ZNF559: variants seen among roughly 807,000 people sequenced by gnomAD.
The protein encoded by ZNF559 is zinc finger protein 559, also known as putative protein product of Nbla00121.
Under a neutral mutation model 14.2 loss-of-function variants are expected in ZNF559, and 17 were observed. The observed-to-expected ratio is 1.20, with a 90% confidence interval of 0.82 to 1.80. The LOEUF (loss-of-function observed/expected upper bound fraction) is 1.80. Among genes scored for constraint, ZNF559 ranks in the 40% most tolerant of loss-of-function variants. ZNF559 has a pLI of 0.00. For missense variants in ZNF559, 740 were observed against 629.7 expected, an observed-to-expected ratio of 1.18 and a Z score of -1.88; for synonymous variants, 244 against 212.4, an observed-to-expected ratio of 1.15 and a Z score of -1.29.
chr19:9,342,821 G>T lies in ZNF559; in HGVS notation c.1370G>T (p.Arg457Ile), dbSNP rs373177090. The stretch of plus-strand genomic sequence containing the variant: ...TCCTCGCACCTTAGTCAACATAAAA[G>T]AATACATACAGGGGAGAGGCCATAT... ...RYSSHLSQHKRIHTGERPYKC... is the reference protein window; with the variant it reads ...RYSSHLSQHKIIHTGERPYKC... The change falls in exon 7 of 7, where the codon AGA becomes ATA. Residue 457 changes from arginine (R) to isoleucine (I), a missense_variant. By Grantham distance (97) the Arg-to-Ile change is moderately conservative. Coordinates refer to ENST00000603380, the MANE Select transcript of ZNF559 (RefSeq NM_032497.3). The T allele has an allele frequency of 1.2e-6, 2 of 1,614,034 alleles. No individual in the cohort carries two copies. The highest frequency in any genetic ancestry group is 1.7e-6 in the Non-Finnish European group (2 of 1,180,008).
At chr19:9,339,934 ATTTTTTTTTTTTT>A (rs545536064) in intron 5 of ZNF559, among the ~76,000 whole-genome samples, 2 of 86,420 alleles carry the variant, frequency 2.3e-5, no homozygotes, top group East Asian at 6.8e-4. Context: ...ACGCCTGGCT[ATTTTTTTTTTTTT>A]TTTTTTTTTT....
At chr19:9,336,616 T>G (rs1198807007) in intron 2 of ZNF559, among the ~76,000 whole-genome samples, 1 of 151,840 alleles carries the variant, frequency 6.6e-6, no homozygotes, top group Non-Finnish European at 1.5e-5. Flanking sequence ...AAAAAAAAAC[T>G]TATGTGTTTA....
intron 5 of ZNF559, among the ~76,000 whole-genome samples, 175 bp downstream of exon 5, chr19:9,339,494 C>T (rs2067424960): frequency 6.6e-6 from 1 of 152,110 alleles, no homozygotes; most frequent in Admixed American, 6.6e-5. Flanking sequence ...AAGATCTGTT[C>T]ATTGTTCTAG....
chr19:9,335,723 C>T (rs561863383), intron 2 of ZNF559, among the ~76,000 whole-genome samples: 4 of 152,138 alleles, frequency 2.6e-5, no homozygotes, highest in South Asian at 4.2e-4. Context: ...TTTGTAGAGA[C>T]GGGGTTTTAC....
At chr19:9,327,713 AC>A (rs2066698936) in intron 2 of ZNF559, among the ~76,000 whole-genome samples, 1 of 151,122 alleles carries the variant, frequency 6.6e-6, no homozygotes, top group African/African-American at 2.4e-5. Context: ...TGCCCTCTAT[AC>A]TTTTTTTCTT....
chr19:9,332,355 G>GTGTGTATATATA (rs138636441), intron 2 of ZNF559, among the ~76,000 whole-genome samples: 4 of 150,060 alleles, frequency 2.7e-5, no homozygotes, highest in East Asian at 3.9e-4. Context: ...ATGTGTGTGT[G>GTGTGTATATATA]TATATATATA....
In ZNF559 at chr19:9,343,338, A is replaced by G. The variant is rs2067661774; in HGVS notation, c.*270A>G. 4.1e-6 allele frequency: 5 copies of G among 1,217,144 alleles called. No individual in the cohort carries two copies. Among genetic ancestry groups the G allele is most frequent in the African/African-American group, 1.5e-5 (1 of 65,544 alleles). The allele number at this position is 1,217,144 out of a possible 1,614,324, so 75.4% of individuals were successfully genotyped here. ...ACGTAGGAAACCTGTCGATGCTTACATCTTACTGAGTCTGTTTGAACTCAT... is the reference window on the plus strand; with the variant it reads ...ACGTAGGAAACCTGTCGATGCTTACGTCTTACTGAGTCTGTTTGAACTCAT... On this transcript the variant is annotated 3_prime_UTR_variant, in exon 7 of 7. Transcript: ENST00000603380.
chr19:9,339,862 G>A (rs1011653053), intron 5 of ZNF559, among the ~76,000 whole-genome samples: 9 of 149,246 alleles, frequency 6.0e-5, no homozygotes, highest in Non-Finnish European at 7.4e-5. Context: ...TCCGCCTCCC[G>A]GGTTCACACC....
intron 2 of ZNF559, among the ~76,000 whole-genome samples, chr19:9,334,531 A>G (rs1175803829): frequency 2.0e-5 from 3 of 152,210 alleles, no homozygotes; most frequent in African/African-American, 7.2e-5. Context: ...AAGTTTAAAA[A>G]CAGACAAAAT....
intron 2 of ZNF559, among the ~76,000 whole-genome samples, chr19:9,337,214 A>G (rs987868353): frequency 6.6e-6 from 1 of 152,176 alleles, no homozygotes; most frequent in African/African-American, 2.4e-5. Flanking sequence ...CAACAGTTCA[A>G]ACTCATGCAT....
chr19:9,340,134 T>C (rs1380368257), intron 5 of ZNF559, among the ~76,000 whole-genome samples: 2 of 151,978 alleles, frequency 1.3e-5, no homozygotes, highest in Non-Finnish European at 2.9e-5. Context: ...ACCAGGGTAC[T>C]AGCTATGCAA....
chr19:9,334,927 G>A (rs931096551), intron 2 of ZNF559, among the ~76,000 whole-genome samples: 4 of 152,052 alleles, frequency 2.6e-5, no homozygotes, highest in African/African-American at 7.2e-5. Context: ...GAGGTCAGGA[G>A]GTCGAAACCA....
chr19:9,328,122 TATCTC>T (rs1355707490), intron 2 of ZNF559, among the ~76,000 whole-genome samples: 4 of 152,058 alleles, frequency 2.6e-5, no homozygotes, highest in Non-Finnish European at 5.9e-5. Flanking sequence ...TTGTATCTCT[TATCTC>T]TTATAATAAA....
At chr19:9,324,664 C>A in intron 1 of ZNF559, 31 bp from the exon 2 acceptor site, 1 of 1,393,438 alleles carries the variant, frequency 7.2e-7, no homozygotes, top group Non-Finnish European at 9.6e-7. Context: ...AAAAAGTCTC[C>A]ACATCCAGCG....
chr19:9,342,224 A>C lies in ZNF559; in HGVS notation c.773A>C (p.Gln258Pro). ...TTCACTGAGTCGTCATATCTTACTCAACATTTAAGAACTCATAGTAGAGTG... is the reference window on the plus strand; with the variant it reads ...TTCACTGAGTCGTCATATCTTACTCCACATTTAAGAACTCATAGTAGAGTG... Reference protein sequence around the residue: ...KPFTESSYLTQHLRTHSRVLP... With the variant: ...KPFTESSYLTPHLRTHSRVLP... Residue 258 changes from glutamine (Q) to proline (P), a missense_variant, in exon 7 of 7, where the codon CAA (glutamine) becomes CCA (proline). Gln to Pro is a moderately conservative substitution (Grantham distance 76). Transcript: ENST00000603380. 1 of 1,587,692 alleles carries C rather than the reference A, an allele frequency of 6.3e-7. No homozygotes were observed. The highest frequency in any genetic ancestry group is 8.5e-7 in the Non-Finnish European group (1 of 1,171,346).
intron 2 of ZNF559, 61 bp downstream of exon 2, chr19:9,324,841 C>A (rs1218315758): frequency 1.4e-6 from 2 of 1,429,816 alleles, no homozygotes; most frequent in African/African-American, 1.4e-5. Flanking sequence ...TAAGTTGTGT[C>A]GAGGTGGAAA....
chr19:9,326,514 T>C (rs557377587), intron 2 of ZNF559, among the ~76,000 whole-genome samples: 80 of 152,364 alleles, frequency 5.3e-4, no homozygotes, highest in Non-Finnish European at 1.1e-3. Flanking sequence ...GATTTACCTA[T>C]GTCCTGTATT....
chr19:9,324,033 A>T, upstream of ZNF559: 1 of 906,620 alleles, frequency 1.1e-6, no homozygotes, highest in Non-Finnish European at 1.7e-6. Flanking sequence ...TACCGGTGAC[A>T]CTTGCGCTCT....
Position 9,342,677 on chromosome 19 carries a change from A to G in ZNF559, c.1226A>G (p.Tyr409Cys), listed in dbSNP as rs143050703. 5.4e-5 allele frequency: 87 copies of G among 1,614,214 alleles called. No homozygotes were observed. The African/African-American group carries it at 5.7e-4, about 11-fold the overall frequency. ...CAGACTCATCCTGGTGTAAAACCCT[A>G]TGACTGTCAACAGTGTGGGAAAGCC... ...HMQTHPGVKP[Y>C]DCQQCGKAFI... The change falls in exon 7 of 7, where the codon TAT becomes TGT. Residue 409 changes from tyrosine (Y) to cysteine (C), a missense_variant. Transcript: ENST00000603380.
Sources: allele counts gnomAD v4.1 joint callset (sites outside exome capture counted in the v4.1 genomes callset), GRCh38; gene constraint gnomAD v4.1.1; transcripts MANE v1.5; gene names NCBI Gene and HGNC (gene_info 2026-07-23, HGNC 2026-07-21).